Variants in AUH observed in about 807,000 individuals in gnomAD.
AUH encodes the protein AU RNA binding methylglutaconyl-CoA hydratase.
In AUH, 29 loss-of-function variants were observed where a neutral mutation model predicts 42.3. That is an observed-to-expected ratio of 0.69 (90% confidence interval 0.51 to 0.93). AUH has a LOEUF of 0.93. Ranked by LOEUF, AUH falls within the 40% of genes least tolerant of loss-of-function variation. AUH has a pLI of 0.00. For synonymous variants in AUH, 174 were observed against 166.4 expected, an observed-to-expected ratio of 1.05 and a Z score of -0.35; for missense variants, 452 against 438.1, an observed-to-expected ratio of 1.03 and a Z score of -0.28.
chr9:91,288,439 C>A (rs1266847873), intron 6 of AUH, among the ~76,000 whole-genome samples: 1 of 151,990 alleles, frequency 6.6e-6, no homozygotes, highest in Non-Finnish European at 1.5e-5. Context: ...AAGGTGAGAA[C>A]GTTGGAGACG....
At chr9:91,294,411 G>A (rs183343220) in intron 6 of AUH, among the ~76,000 whole-genome samples, 41 of 152,250 alleles carry the variant, frequency 2.7e-4, no homozygotes, top group Admixed American at 8.5e-4. Context: ...AGCTGGGCAC[G>A]GTGGTGTGCA....
intron 1 of AUH, chr9:91,360,314 A>G (rs978799367): frequency 2.6e-5 from 4 of 152,250 alleles, no homozygotes; most frequent in Admixed American, 1.3e-4. Flanking sequence ...TAATCACTCC[A>G]GTGCTAGTCT....
At chr9:91,346,366 TCC>T (rs1831511249) in intron 3 of AUH, among the ~76,000 whole-genome samples, 1 of 152,086 alleles carries the variant, frequency 6.6e-6, no homozygotes. Flanking sequence ...CTTAGGGAGC[TCC>T]CAGGTTAGTG....
intron 4 of AUH, among the ~76,000 whole-genome samples, chr9:91,323,468 C>CA: frequency 6.6e-6 from 1 of 152,028 alleles, no homozygotes; most frequent in East Asian, 1.9e-4. Context: ...ACTAAAAATA[C>CA]AAAAATTAGC....
chr9:91,269,124 G>A (rs547070563), intron 6 of AUH, among the ~76,000 whole-genome samples: 7 of 152,144 alleles, frequency 4.6e-5, no homozygotes, highest in Non-Finnish European at 8.8e-5. Flanking sequence ...CGGACTACAG[G>A]CGTGCGCCAC....
chr9:91,307,117 G>A (rs893906290), intron 4 of AUH, among the ~76,000 whole-genome samples: 8 of 152,126 alleles, frequency 5.3e-5, no homozygotes, highest in South Asian at 2.1e-4. Flanking sequence ...GACAGCAAAC[G>A]GCCATGAGGA....
intron 4 of AUH, among the ~76,000 whole-genome samples, chr9:91,324,291 CAGG>C (rs1189014863): frequency 1.3e-5 from 2 of 151,892 alleles, no homozygotes; most frequent in African/African-American, 4.8e-5. Flanking sequence ...TCGCTTGAGG[CAGG>C]AGTTCAAGAT....
At chr9:91,291,433 T>C (rs917556452) in intron 6 of AUH, among the ~76,000 whole-genome samples, 7 of 152,246 alleles carry the variant, frequency 4.6e-5, no homozygotes, top group South Asian at 4.1e-4. Flanking sequence ...TTCAGAAATA[T>C]GTCACATCAC....
chr9:91,254,660 A>G (rs983878025), intron 6 of AUH, among the ~76,000 whole-genome samples: 3 of 152,220 alleles, frequency 2.0e-5, no homozygotes, highest in Non-Finnish European at 4.4e-5. Flanking sequence ...CAAGCTGTCC[A>G]TATCTCTTCA....
At chr9:91,217,435 C>T (rs146338941) in intron 7 of AUH, 108 bp from the exon 8 acceptor site, 9 of 1,183,650 alleles carry the variant, frequency 7.6e-6, no homozygotes, top group African/African-American at 1.5e-5. Flanking sequence ...GCACAGCCAG[C>T]AATGGCTGTC....
At chr9:91,335,661 C>G (rs1464262052) in intron 3 of AUH, among the ~76,000 whole-genome samples, 1 of 152,068 alleles carries the variant, frequency 6.6e-6, no homozygotes, top group African/African-American at 2.4e-5. Context: ...TCCTGAAGTC[C>G]AACCTTAGCT....
intron 4 of AUH, among the ~76,000 whole-genome samples, chr9:91,313,979 A>G (rs1313070870): frequency 1.3e-5 from 2 of 151,748 alleles, no homozygotes; most frequent in African/African-American, 4.8e-5. Context: ...ACGTGCCACC[A>G]CGCCTGGCTA....
chr9:91,250,496 C>T (rs1420102382), intron 6 of AUH, among the ~76,000 whole-genome samples: 1 of 152,188 alleles, frequency 6.6e-6, no homozygotes, highest in East Asian at 1.9e-4. Flanking sequence ...CTCTTATATT[C>T]CCAGGGAGCT....
chr9:91,361,582 G>T, intron 1 of AUH, 46 bp downstream of exon 1: 2 of 1,553,178 alleles, frequency 1.3e-6, no homozygotes, highest in Non-Finnish European at 1.7e-6. Flanking sequence ...TCCTGAGAGC[G>T]AGCGGCCGCC....
At chr9:91,287,277 T>C (rs1055981030) in intron 6 of AUH, among the ~76,000 whole-genome samples, 2 of 152,056 alleles carry the variant, frequency 1.3e-5, no homozygotes, top group Admixed American at 1.3e-4. Flanking sequence ...ATAAAAGACA[T>C]TCCACATAAT....
intron 4 of AUH, among the ~76,000 whole-genome samples, chr9:91,303,400 G>A (rs931649336): frequency 6.6e-5 from 10 of 151,952 alleles, no homozygotes; most frequent in Admixed American, 5.2e-4. Context: ...GCGCAATCTC[G>A]GCTCACTGCA....
intron 3 of AUH, chr9:91,343,290 G>C (rs1315199423): frequency 7.2e-5 from 11 of 152,014 alleles, no homozygotes; most frequent in African/African-American, 2.7e-4. Context: ...TAGGAAGCTA[G>C]AAATAAGAGT....
chr9:91,360,708 A>AAAGTTC (rs1210385197), intron 1 of AUH, among the ~76,000 whole-genome samples: 2 of 152,202 alleles, frequency 1.3e-5, no homozygotes, highest in Non-Finnish European at 2.9e-5. Flanking sequence ...CCATGCCTTG[A>AAAGTTC]AAGTTCACAC....
At chr9:91,277,571 T>A (rs1825642168) in intron 6 of AUH, among the ~76,000 whole-genome samples, 1 of 152,078 alleles carries the variant, frequency 6.6e-6, no homozygotes, top group African/African-American at 2.4e-5. Context: ...ATATAATAAT[T>A]TTAGGGAAAA....
Sources: allele counts gnomAD v4.1 joint callset (sites outside exome capture counted in the v4.1 genomes callset), GRCh38; gene constraint gnomAD v4.1.1; transcripts MANE v1.5; gene names NCBI Gene and HGNC (gene_info 2026-07-23, HGNC 2026-07-21).